The following HECW2 variants were observed in gnomAD, a reference collection of about 807,000 sequenced individuals.
HECW2 encodes E3 ubiquitin-protein ligase HECW2.
A neutral mutation model predicts 175.2 loss-of-function variants in HECW2; 61 were observed. The observed-to-expected ratio is 0.35, with a 90% CI of 0.28 to 0.43. The LOEUF (loss-of-function observed/expected upper bound fraction) is 0.43. Ranked by LOEUF, HECW2 falls within the 20% of genes least tolerant of loss-of-function variation. The pLI is 1.00. For missense variants in HECW2, 1,524 were observed against 2,000.5 expected (o/e 0.76, Z 4.54); for synonymous variants, 671 against 731.0 (o/e 0.92, Z 1.32).
chr2:196,393,080 G>A (rs1694560532), intron 2 of HECW2, among the ~76,000 whole-genome samples: 1 of 151,692 alleles, frequency 6.6e-6, no homozygotes, highest in Admixed American at 6.6e-5. Context: ...AATAAATGGT[G>A]CTAGGCTAGC....
chr2:196,317,290 G>T lies in HECW2; in HGVS notation c.2418C>A (p.Asp806Glu), dbSNP rs773894772. The T allele has an allele frequency of 2.5e-6, 4 of 1,612,588 alleles. No individual in the cohort carries two copies. The highest frequency in any genetic ancestry group is 3.4e-6 in the Non-Finnish European group (4 of 1,179,330). The part of the protein sequence containing the change: ...RQDVSRYQRV[D>E]EALPPNWEAR... ...GGTCCTCACTTGGTGGGAGAGCCTC[G>T]TCCACCCTCTGGTACCGGCTAACAT... The change falls in exon 10 of 29, where the codon GAC becomes GAA. Residue 806 changes from aspartate (D) to glutamate (E), a missense_variant. Asp to Glu is a conservative substitution (Grantham distance 45, BLOSUM62 2). Around this residue, in one of 11 missense-constraint regions of HECW2, gnomAD observed 82 missense variants for 124.4 expected, o/e 0.66. Transcript: ENST00000644978.
At chr2:196,252,232 C>G (rs1286218517) in intron 19 of HECW2, among the ~76,000 whole-genome samples, 1 of 124,012 alleles carries the variant, frequency 8.1e-6, no homozygotes, top group African/African-American at 3.1e-5. Flanking sequence ...CAATGACCAA[C>G]CAGCCCTAGC....
intron 21 of HECW2, among the ~76,000 whole-genome samples, chr2:196,238,173 G>A (rs1347224357): frequency 2.0e-5 from 3 of 152,300 alleles, no homozygotes; most frequent in African/African-American, 7.2e-5. Flanking sequence ...AGGCTGCAGT[G>A]AGCCAAGATC....
rs1011674498 is a variant in HECW2, at chr2:196,199,736, C to CAAAG, written c.*1537_*1540dup. 3 of 152,086 alleles carry CAAAG rather than the reference C, an allele frequency of 2.0e-5. No homozygotes were observed. The highest frequency in any genetic ancestry group is 4.4e-5 in the Non-Finnish European group (3 of 67,986). 9.4% of individuals were successfully genotyped at this position (152,086 alleles called of 1,614,324 possible). A position where few individuals can be genotyped will look rare whatever the true frequency, so the allele number is the denominator to read the frequency against. On this transcript the variant is annotated 3_prime_UTR_variant, in exon 29 of 29. Coordinates refer to ENST00000644978, the MANE Select transcript of HECW2 (RefSeq NM_001348768.2). ...AAAATCTGATTAGTCAAGAAATAAA[C>CAAAG]AAAGATGTGGAGTAATCCCAAAAGC...
Position 196,583,085 on chromosome 2 carries a change from A to G in HECW2, c.-36+10423T>C, listed in dbSNP as rs561301597. The stretch of plus-strand genomic sequence containing the variant: ...AGTTAGAAGTTGTGTCCAATCATAA[A>G]GTGATCTCTTGGTTTAGGGTCGTAT... On this transcript the variant is annotated intron_variant, in intron 1 of 28. Transcript: ENST00000644978. Among the ~76,000 whole-genome samples the G allele has an allele frequency of 2.0e-5, 3 of 152,322 alleles. No homozygotes were observed. In the South Asian group the frequency reaches 6.2e-4, roughly 32 times the overall value.
chr2:196,328,054 C>A (rs985470650), intron 5 of HECW2, among the ~76,000 whole-genome samples: 1 of 74,886 alleles, frequency 1.3e-5, no homozygotes, highest in South Asian at 5.0e-4. Context: ...TCATGCTGTA[C>A]ACCATAAAAA....
At chr2:196,427,679 C>G (rs558936978) in intron 2 of HECW2, among the ~76,000 whole-genome samples, 1 of 152,180 alleles carries the variant, frequency 6.6e-6, no homozygotes, top group African/African-American at 2.4e-5. Flanking sequence ...TGGAGACCAA[C>G]AATAAATTAT....
Position 196,319,743 on chromosome 2 carries a change from T to C in HECW2, c.1147A>G (p.Lys383Glu). The C allele has an allele frequency of 6.2e-7, 1 of 1,614,164 alleles. No homozygotes were observed. The highest frequency in any genetic ancestry group is 8.5e-7 in the Non-Finnish European group (1 of 1,180,020). ...SEDSAADGTP[K>E]HSFRTSSTLE... is the part of the protein sequence containing the mutation. ...GTGGAGCTAGTCCTGAATGAATGCT[T>C]GGGGGTTCCATCGGCAGCACTGTCC... Residue 383 changes from lysine to glutamate, a missense_variant, in exon 9 of 29, where the codon AAG becomes GAG. By Grantham distance (56) the Lys-to-Glu change is moderately conservative (BLOSUM62 1). This residue lies in a region of HECW2 where 604 missense variants were observed against 588.3 expected (regional missense o/e 1.03). Coordinates refer to ENST00000644978, the MANE Select transcript of HECW2 (RefSeq NM_001348768.2).
In HECW2 at chr2:196,564,006, A is replaced by T. The variant is rs1164795415; in HGVS notation, c.-36+29502T>A. Among the ~76,000 whole-genome samples the T allele has an allele frequency of 3.9e-5, 6 of 152,212 alleles. No homozygotes were observed. In the South Asian group the frequency reaches 1.2e-3, roughly 31 times the overall value. On this transcript the variant is annotated intron_variant, in intron 1 of 28. Transcript: ENST00000644978. ...CTATTTACTAATCACAAAAGGACAC[A>T]GGTACTTGTATATGGGAAAGCTACA...
At chr2:196,207,369 T>C (rs1687106958) in intron 28 of HECW2, among the ~76,000 whole-genome samples, 1 of 152,248 alleles carries the variant, frequency 6.6e-6, no homozygotes, top group Admixed American at 6.5e-5. Context: ...TGGGTAGCTT[T>C]ATTAACACAA....
chr2:196,267,147 T>C (rs1377435501), intron 17 of HECW2, among the ~76,000 whole-genome samples: 1 of 152,090 alleles, frequency 6.6e-6, no homozygotes, highest in African/African-American at 2.4e-5. Flanking sequence ...GCTGGACTAG[T>C]AGGGAACAGA....
intron 18 of HECW2, among the ~76,000 whole-genome samples, chr2:196,256,799 A>G (rs1305757237): frequency 6.6e-6 from 1 of 152,222 alleles, no homozygotes. Context: ...GAGAGAGGCC[A>G]CCCATTAGGT....
intron 21 of HECW2, chr2:196,239,789 T>G (rs1017361793): frequency 6.6e-5 from 10 of 152,212 alleles, no homozygotes; most frequent in African/African-American, 1.9e-4. Flanking sequence ...TTATGTCTAT[T>G]TGGGCACAAC....
intron 2 of HECW2, among the ~76,000 whole-genome samples, chr2:196,410,430 T>G (rs1695079062): frequency 6.6e-6 from 1 of 152,156 alleles, no homozygotes; most frequent in South Asian, 2.1e-4. Context: ...AAACTTAGAA[T>G]GAATTCTAGA....
intron 1 of HECW2, among the ~76,000 whole-genome samples, chr2:196,434,203 C>T (rs538853231): frequency 6.6e-6 from 1 of 152,276 alleles, no homozygotes; most frequent in Admixed American, 6.5e-5. Context: ...TACAACAGTG[C>T]CTGCTACACG....
chr2:196,366,366 G>A (rs565636545), intron 2 of HECW2, among the ~76,000 whole-genome samples: 4 of 152,206 alleles, frequency 2.6e-5, no homozygotes, highest in Admixed American at 6.5e-5. Context: ...CCTCATCTTC[G>A]GTGGACAAGG....
At chr2:196,254,090 T>A (rs1688959517) in intron 18 of HECW2, 61 bp from the exon 19 acceptor site, 1 of 1,597,900 alleles carries the variant, frequency 6.3e-7, no homozygotes, top group African/African-American at 1.3e-5. Context: ...AAAGCCTAAA[T>A]CCCAAAGGAG....
chr2:196,498,936 C>T (rs1156591278), intron 1 of HECW2, among the ~76,000 whole-genome samples: 1 of 152,136 alleles, frequency 6.6e-6, no homozygotes, highest in African/African-American at 2.4e-5. Flanking sequence ...AGACTGGTAA[C>T]ATGCACCCAG....
In HECW2 at chr2:196,237,513, T is replaced by A. The variant is rs529633504; in HGVS notation, c.3764+2936A>T. Among the ~76,000 whole-genome samples the A allele has an allele frequency of 7.0e-4, 107 of 152,350 alleles. 1 individual carries two copies. The highest frequency in any genetic ancestry group is 2.5e-3 in the African/African-American group (106 of 41,582). On this transcript the variant is annotated intron_variant, in intron 21 of 28. Transcript: ENST00000644978. ...AATTCCATCCAGGTTGCTGTGAATG[T>A]CATTATTTCGTTCCTTTTTATGGTT...
Sources: allele counts gnomAD v4.1 joint callset (sites outside exome capture counted in the v4.1 genomes callset), GRCh38; gene constraint gnomAD v4.1.1; regional missense constraint gnomAD v4.1.1; transcripts MANE v1.5; gene names NCBI Gene and HGNC (gene_info 2026-07-23, HGNC 2026-07-21).